ORC4: variants seen among roughly 807,000 people sequenced by gnomAD.
ORC4 encodes the protein origin recognition complex subunit 4.
In ORC4, 55 loss-of-function variants were observed where a neutral mutation model predicts 63.9. The observed-to-expected ratio is 0.86, with a 90% CI of 0.69 to 1.08. ORC4 has a LOEUF of 1.08. Ranked by LOEUF, ORC4 falls within the 50% of genes least tolerant of loss-of-function variation. ORC4 has a pLI of 0.00. For missense variants in ORC4, 511 were observed against 504.4 expected, an observed-to-expected ratio of 1.01 and a Z score of -0.13; for synonymous variants, 150 against 168.5, an observed-to-expected ratio of 0.89 and a Z score of 0.85.
At chr2:147,937,857 C>T (rs767830135) in intron 13 of ORC4, 9 of 351,596 alleles carry the variant, frequency 2.6e-5, no homozygotes, top group Non-Finnish European at 4.7e-5. Context: ...AAAGCCAATC[C>T]TTGGGTTGGA....
chr2:147,995,409 G>T (rs2079125337), intron 1 of ORC4, among the ~76,000 whole-genome samples: 2 of 152,156 alleles, frequency 1.3e-5, no homozygotes, highest in Admixed American at 1.3e-4. Context: ...CCAATCAGCA[G>T]GATGTGCGTG....
intron 4 of ORC4, among the ~76,000 whole-genome samples, chr2:147,963,798 A>G (rs932617421): frequency 1.3e-5 from 2 of 152,144 alleles, no homozygotes; most frequent in Non-Finnish European, 2.9e-5. Flanking sequence ...AACTGCCACC[A>G]CAAACAACTC....
intron 1 of ORC4, among the ~76,000 whole-genome samples, chr2:148,002,360 G>A (rs1031096088): frequency 1.3e-5 from 2 of 152,076 alleles, no homozygotes; most frequent in South Asian, 2.1e-4. Context: ...CACATAATTG[G>A]AAGTAAAACA....
intron 8 of ORC4, among the ~76,000 whole-genome samples, chr2:147,951,964 T>C (rs1275717962): frequency 6.6e-6 from 1 of 152,224 alleles, no homozygotes; most frequent in Non-Finnish European, 1.5e-5. Context: ...TTTCTGGAGA[T>C]GTGTACTTTG....
intron 9 of ORC4, among the ~76,000 whole-genome samples, chr2:147,945,182 T>C (rs1427311778): frequency 6.6e-6 from 1 of 152,022 alleles, no homozygotes; most frequent in Admixed American, 6.6e-5. Flanking sequence ...TGGGACAAAA[T>C]TGAAGAAATT....
At chr2:147,996,568 C>G (rs556548767) in intron 1 of ORC4, among the ~76,000 whole-genome samples, 6 of 152,242 alleles carry the variant, frequency 3.9e-5, no homozygotes, top group African/African-American at 1.4e-4. Flanking sequence ...ACAAAGAACT[C>G]AACAAGGAAA....
chr2:147,955,299 T>C, intron 7 of ORC4, 48 bp downstream of exon 7: 1 of 1,322,586 alleles, frequency 7.6e-7, no homozygotes, highest in Admixed American at 1.8e-5. Context: ...AGGGAAAAAA[T>C]AAAGTTAAAA....
At chr2:148,007,772 T>C (rs1401074400) in intron 1 of ORC4, among the ~76,000 whole-genome samples, 1 of 152,034 alleles carries the variant, frequency 6.6e-6, no homozygotes, top group Non-Finnish European at 1.5e-5. Context: ...TTAAGGCATA[T>C]AATAATTAAA....
chr2:147,930,737 T>C lies in ORC4; in HGVS notation c.*4773A>G, dbSNP rs1687673636. On this transcript the variant is annotated 3_prime_UTR_variant, in exon 14 of 14. Transcript: ENST00000392857. ...CTTAAAATCCCCATAAAACCCCACC[T>C]TGGATAAGTGATTGTTAAATATTGT... The C allele has an allele frequency of 2.0e-5, 3 of 152,480 alleles. No homozygotes were observed. The allele number at this position is 152,480 out of a possible 1,614,324, so 9.4% of individuals were successfully genotyped here.
rs1342728312 is a variant in ORC4 at position 147,933,930 on chromosome 2, A to G, written c.*1580T>C. On this transcript the variant is annotated 3_prime_UTR_variant, in exon 14 of 14. Coordinates refer to ENST00000392857, the MANE Select transcript of ORC4 (RefSeq NM_181741.4). Reference sequence around the variant, plus strand: ...GCAGGGAAGGAAAGGCTATGTATGCAAAAGAATAGGTTGTAACTACTGAAG... The same window carrying G: ...GCAGGGAAGGAAAGGCTATGTATGCGAAAGAATAGGTTGTAACTACTGAAG... 6.6e-6 allele frequency: 1 copy of G among 152,172 alleles called. No homozygotes were observed. The highest frequency in any genetic ancestry group is 1.5e-5 in the Non-Finnish European group (1 of 68,024). The allele number at this position is 152,172 out of a possible 1,614,324, so 9.4% of individuals were successfully genotyped here.
In ORC4 at chr2:147,935,388, C is replaced by G. The variant is rs17225656; in HGVS notation, c.*122G>C. On this transcript the variant is annotated 3_prime_UTR_variant, in exon 14 of 14. Coordinates refer to ENST00000392857, the MANE Select transcript of ORC4 (RefSeq NM_181741.4). ...AGACACAGCCAAGACAGTAGATGGG[C>G]AAGTCTCACATAAATACAAGAATGT... 9.3e-6 allele frequency: 7 copies of G among 754,118 alleles called. No homozygotes were observed. In the Admixed American group the frequency reaches 1.4e-4, roughly 15 times the overall value. The allele number at this position is 754,118 out of a possible 1,614,324, so 46.7% of individuals were successfully genotyped here. A position where few individuals can be genotyped will look rare whatever the true frequency, so the allele number is the denominator to read the frequency against.
At chr2:147,980,713 T>A (rs1690831438) in intron 1 of ORC4, among the ~76,000 whole-genome samples, 1 of 152,156 alleles carries the variant, frequency 6.6e-6, no homozygotes. Flanking sequence ...AGGCAAAAGA[T>A]GATGAGTGTT....
At chr2:148,020,745 T>G (rs912813098), upstream of ORC4, 1 of 152,496 alleles carries the variant, frequency 6.6e-6, no homozygotes, top group Non-Finnish European at 1.5e-5. Flanking sequence ...ACTCCCGGCA[T>G]GCCCCGCGCA....
At chr2:147,966,865 C>A (rs988219282) in intron 4 of ORC4, among the ~76,000 whole-genome samples, 3 of 152,120 alleles carry the variant, frequency 2.0e-5, no homozygotes, top group South Asian at 2.1e-4. Flanking sequence ...GCCAGCATAA[C>A]CCTGACATCA....
chr2:147,998,577 G>C (rs1271327595), intron 1 of ORC4, among the ~76,000 whole-genome samples: 1 of 152,152 alleles, frequency 6.6e-6, no homozygotes, highest in Non-Finnish European at 1.5e-5. Context: ...CCACCGTGTT[G>C]TGAAGTATGA....
intron 9 of ORC4, 144 bp from the exon 10 acceptor site, chr2:147,943,666 G>T (rs1432877527): frequency 3.2e-6 from 2 of 629,716 alleles, no homozygotes; most frequent in Non-Finnish European, 5.6e-6. Flanking sequence ...GGTCTTATTT[G>T]TAGAACACTA....
chr2:147,980,674 C>T (rs745531539), intron 1 of ORC4, among the ~76,000 whole-genome samples: 13 of 152,094 alleles, frequency 8.5e-5, no homozygotes, highest in Non-Finnish European at 1.3e-4. Context: ...TAACATTTCA[C>T]ACCTGCTAGG....
Position 147,933,685 on chromosome 2 carries a change from C to CAAAT in ORC4, c.*1821_*1824dup, listed in dbSNP as rs1379648923. On this transcript the variant is annotated 3_prime_UTR_variant, in exon 14 of 14. Transcript: ENST00000392857. ...CCTTTAAGACAAATAATACTTTCCT[C>CAAAT]AAATAGTTCAGAAAATTTTTAAAAG... 6.6e-6 allele frequency: 1 copy of CAAAT among 152,048 alleles called. No homozygotes were observed. Among genetic ancestry groups the CAAAT allele is most frequent in the African/African-American group, 2.4e-5 (1 of 41,404 alleles). 9.4% of individuals were successfully genotyped at this position (152,048 alleles called of 1,614,324 possible). A position where few individuals can be genotyped will look rare whatever the true frequency, so the allele number is the denominator to read the frequency against.
At chr2:147,994,262 T>C (rs1475552780) in intron 1 of ORC4, among the ~76,000 whole-genome samples, 1 of 152,206 alleles carries the variant, frequency 6.6e-6, no homozygotes, top group Non-Finnish European at 1.5e-5. Flanking sequence ...AAATTCGTAT[T>C]GTTAAATGTC....
Sources: gnomAD v4.1 joint callset for allele counts (sites outside exome capture counted in the v4.1 genomes callset) on GRCh38, gnomAD v4.1.1 for gene constraint, MANE v1.5 for transcripts, NCBI Gene and HGNC (gene_info 2026-07-23, HGNC 2026-07-21) for gene names.